SKAP1: variants seen among roughly 807,000 people sequenced by gnomAD.
SKAP1 encodes src kinase associated phosphoprotein 1.
A neutral mutation model predicts 58.5 loss-of-function variants in SKAP1; 44 were observed. The observed-to-expected ratio is 0.75, with a 90% CI of 0.59 to 0.97. The LOEUF is 0.97. SKAP1 is among the 50% of genes least tolerant of loss of function. The pLI is 0.00. For missense variants in SKAP1, 390 were observed against 435.2 expected (o/e 0.90, Z 0.92); for synonymous variants, 127 against 149.7 (o/e 0.85, Z 1.11).
chr17:48,410,926 C>T lies in SKAP1; in HGVS notation c.47-14141G>A, dbSNP rs186402304. On this transcript the variant is annotated intron_variant, in intron 1 of 12. Transcript: ENST00000336915. ...TGGGTGACAGAGCGACAGAGCGAGACTCCATTTCAAAAAAAAAAAAAAAAA... is the reference window on the plus strand; with the variant it reads ...TGGGTGACAGAGCGACAGAGCGAGATTCCATTTCAAAAAAAAAAAAAAAAA... 5.9e-3 allele frequency among the ~76,000 whole-genome samples: 508 copies of T among 85,568 alleles called. 3 individuals carry two copies. The highest frequency in any genetic ancestry group is 0.022 in the African/African-American group (470 of 21,172). The allele number at this position is 85,568 out of a possible 152,430, so 56.1% of individuals were successfully genotyped here. A position where few individuals can be genotyped will look rare whatever the true frequency, so the allele number is the denominator to read the frequency against.
intron 2 of SKAP1, among the ~76,000 whole-genome samples, chr17:48,391,497 A>C (rs2067344612): frequency 6.6e-6 from 1 of 152,220 alleles, no homozygotes; most frequent in Non-Finnish European, 1.5e-5. Flanking sequence ...TCATTCCTAG[A>C]GAAGTAGATT....
chr17:48,299,454 G>T (rs1362374550), intron 4 of SKAP1, among the ~76,000 whole-genome samples: 6 of 152,144 alleles, frequency 3.9e-5, no homozygotes, highest in Admixed American at 3.9e-4. Flanking sequence ...ATCATTGAAG[G>T]GGGAAGAGGG....
chr17:48,200,382 CTTTT>C (rs971038327), intron 4 of SKAP1, among the ~76,000 whole-genome samples: 10 of 147,212 alleles, frequency 6.8e-5, no homozygotes, highest in Admixed American at 2.0e-4. Context: ...TTCTTTCTTT[CTTTT>C]TTTTTTTGAG....
At chr17:48,196,429 G>A (rs762237805) in intron 4 of SKAP1, among the ~76,000 whole-genome samples, 5 of 151,854 alleles carry the variant, frequency 3.3e-5, no homozygotes, top group Non-Finnish European at 7.4e-5. Context: ...TTTTAGAATC[G>A]GGGTACATGT....
At chr17:48,321,522 C>T (rs566078174) in intron 4 of SKAP1, among the ~76,000 whole-genome samples, 4 of 152,008 alleles carry the variant, frequency 2.6e-5, no homozygotes, top group Admixed American at 6.5e-5. Context: ...GGACTACAGG[C>T]GCCTGCCGCC....
intron 11 of SKAP1, among the ~76,000 whole-genome samples, chr17:48,141,090 T>C (rs1390603568): frequency 1.3e-5 from 2 of 151,800 alleles, no homozygotes; most frequent in Non-Finnish European, 2.9e-5. Context: ...CCCAGCCCCA[T>C]CCCCCTCTTC....
chr17:48,154,909 A>G (rs1259596291), intron 11 of SKAP1, among the ~76,000 whole-genome samples: 1 of 151,312 alleles, frequency 6.6e-6, no homozygotes, highest in African/African-American at 2.4e-5. Context: ...AAATACAAAA[A>G]ATTAGCCAGG....
chr17:48,162,527 C>T lies in SKAP1; in HGVS notation c.920G>A (p.Gly307Asp), dbSNP rs1410029792. ...GAAGGACAGTTCATCTGGCTGGTCA[C>T]CATGGCAATCCCATAGGCCCTGGTA... ...SYYQGLWDCH[G>D]DQPDELSFQR... The change falls in exon 11 of 13, where the codon GGT (glycine) becomes GAT (aspartate). Residue 307 changes from glycine (G) to aspartate (D), a missense_variant. Transcript: ENST00000336915. The T allele has an allele frequency of 6.2e-7, 1 of 1,614,006 alleles. No homozygotes were observed. Among genetic ancestry groups the T allele is most frequent in the Non-Finnish European group, 8.5e-7 (1 of 1,179,934 alleles).
intron 6 of SKAP1, among the ~76,000 whole-genome samples, chr17:48,186,887 T>A (rs2064461094): frequency 6.6e-6 from 1 of 152,100 alleles, no homozygotes; most frequent in Non-Finnish European, 1.5e-5. Context: ...AAGCACTAAG[T>A]TTGAGGAAGG....
intron 4 of SKAP1, among the ~76,000 whole-genome samples, chr17:48,203,454 T>G (rs6504100): frequency 0.83 from 126,490 of 152,202 alleles, 52,629 homozygotes; most frequent in East Asian, 0.95. Flanking sequence ...TAAAATGTAT[T>G]TCTGACAAAA....
rs2064238016 is a variant in SKAP1 at position 48,173,102 on chromosome 17, C to A, written c.827-2443G>T. Among the ~76,000 whole-genome samples the A allele has an allele frequency of 1.3e-5, 2 of 152,042 alleles. 1 individual carries two copies. The highest frequency in any genetic ancestry group is 4.2e-4 in the South Asian group (2 of 4,810). On this transcript the variant is annotated intron_variant, in intron 9 of 12. Transcript: ENST00000336915. ...GACTGAAGCAAGAGGATTGCCTGAG[C>A]CCAAGAGTTTGAGGCTGCAGTAAGC...
At chr17:48,224,332 T>C (rs2065043577) in intron 4 of SKAP1, among the ~76,000 whole-genome samples, 1 of 152,198 alleles carries the variant, frequency 6.6e-6, no homozygotes, top group Non-Finnish European at 1.5e-5. Context: ...TAATCTAGTT[T>C]TCCCTAGTTT....
chr17:48,396,915 C>T, intron 1 of SKAP1, 130 bp from the exon 2 acceptor site: 1 of 515,292 alleles, frequency 1.9e-6, no homozygotes, highest in South Asian at 2.9e-5. Context: ...TACCCTAAAA[C>T]TTAAAGTATA....
chr17:48,335,973 C>T (rs1329684833), intron 4 of SKAP1, among the ~76,000 whole-genome samples: 7 of 152,222 alleles, frequency 4.6e-5, no homozygotes, highest in East Asian at 3.9e-4. Flanking sequence ...GAATTCACTA[C>T]GTAAGCTCAC....
intron 2 of SKAP1, among the ~76,000 whole-genome samples, chr17:48,381,120 T>C (rs1010028477): frequency 3.3e-5 from 5 of 152,220 alleles, no homozygotes; most frequent in Non-Finnish European, 7.3e-5. Context: ...GCTCTTTCTT[T>C]GCAACCATTT....
chr17:48,305,155 C>T (rs2066119779), intron 4 of SKAP1, among the ~76,000 whole-genome samples: 1 of 152,080 alleles, frequency 6.6e-6, no homozygotes. Context: ...GTGTCAGTGT[C>T]AAGTTTTTGT....
At chr17:48,266,432 T>C (rs2065550450) in intron 4 of SKAP1, among the ~76,000 whole-genome samples, 1 of 152,140 alleles carries the variant, frequency 6.6e-6, no homozygotes, top group African/African-American at 2.4e-5. Context: ...AACCGTTAGT[T>C]CAAGAAATCA....
intron 2 of SKAP1, among the ~76,000 whole-genome samples, chr17:48,382,970 T>G (rs192345094): frequency 3.0e-4 from 46 of 152,352 alleles, no homozygotes; most frequent in Admixed American, 2.4e-3. Context: ...GGCTCCATGC[T>G]GGTCTATGGA....
intron 2 of SKAP1, chr17:48,380,158 T>C (rs568877821): frequency 4.7e-4 from 72 of 152,360 alleles, no homozygotes; most frequent in African/African-American, 1.7e-3. Flanking sequence ...TCGATTACAA[T>C]CAACCAGTCA....
Sources: gnomAD v4.1 joint callset for allele counts (sites outside exome capture counted in the v4.1 genomes callset) on GRCh38, gnomAD v4.1.1 for gene constraint, MANE v1.5 for transcripts, NCBI Gene and HGNC (gene_info 2026-07-23, HGNC 2026-07-21) for gene names.